PIBF1: variants seen among roughly 807,000 people sequenced by gnomAD.
The protein encoded by PIBF1 is progesterone-induced-blocking factor 1.
Under a neutral mutation model 112.5 loss-of-function variants are expected in PIBF1, and 90 were observed. That is an observed-to-expected ratio of 0.80 (90% CI 0.67 to 0.95). PIBF1 has a LOEUF of 0.95. PIBF1 is among the 40% of genes least tolerant of loss of function. PIBF1 has a pLI of 0.00. For synonymous variants in PIBF1, 301 were observed against 288.6 expected (o/e 1.04, Z -0.44); for missense variants, 915 against 852.3 (o/e 1.07, Z -0.92).
At chr13:72,875,089 T>C (rs2039339270) in intron 10 of PIBF1, among the ~76,000 whole-genome samples, 1 of 152,236 alleles carries the variant, frequency 6.6e-6, no homozygotes, top group Non-Finnish European at 1.5e-5. Flanking sequence ...TCATTCAGAA[T>C]AGTTTCATTA....
At chr13:72,894,771 T>TTG (rs1225760098) in intron 11 of PIBF1, among the ~76,000 whole-genome samples, 4 of 96,150 alleles carry the variant, frequency 4.2e-5, no homozygotes, top group African/African-American at 9.0e-5. Context: ...TATATATATA[T>TTG]AGTGTGTGTG....
At chr13:72,934,795 C>G (rs1261724013) in intron 14 of PIBF1, among the ~76,000 whole-genome samples, 1 of 152,060 alleles carries the variant, frequency 6.6e-6, no homozygotes, top group Non-Finnish European at 1.5e-5. Flanking sequence ...TGACATTTGG[C>G]ACATGAATAT....
At chr13:72,924,429 A>G (rs1162411660) in intron 13 of PIBF1, among the ~76,000 whole-genome samples, 1 of 152,172 alleles carries the variant, frequency 6.6e-6, no homozygotes, top group African/African-American at 2.4e-5. Flanking sequence ...AGATCAGTCC[A>G]GAGGTACTTA....
rs1176079981 is a variant in PIBF1 at position 73,010,810 on chromosome 13, C to CTTTTTTTTT, written c.2224-5037_2224-5029dup. Reference sequence around the variant, plus strand: ...CTGAGCTGGAAAATCATTAACTTTTCTTTTTTTTTTTTTTTTTTTTTTTTT... The same window carrying CTTTTTTTTT: ...CTGAGCTGGAAAATCATTAACTTTTCTTTTTTTTTTTTTTTTTTTTTTTTTTTTTTTTTT... On this transcript the variant is annotated intron_variant, in intron 17 of 17. Coordinates refer to ENST00000326291, the MANE Select transcript of PIBF1 (RefSeq NM_006346.4). Among the ~76,000 whole-genome samples the CTTTTTTTTT allele has an allele frequency of 3.9e-3, 159 of 40,294 alleles. 40 individuals carry two copies. Among genetic ancestry groups the CTTTTTTTTT allele is most frequent in the African/African-American group, 0.011 (119 of 10,454 alleles). The allele number at this position is 40,294 out of a possible 152,430, so 26.4% of individuals were successfully genotyped here.
chr13:72,981,621 A>C (rs2043160308), intron 16 of PIBF1, among the ~76,000 whole-genome samples: 1 of 152,216 alleles, frequency 6.6e-6, no homozygotes, highest in Non-Finnish European at 1.5e-5. Context: ...GAGAAAAATG[A>C]ATTTTGAAGT....
chr13:72,872,662 T>G (rs902284531), intron 10 of PIBF1, among the ~76,000 whole-genome samples: 5 of 152,268 alleles, frequency 3.3e-5, no homozygotes, highest in African/African-American at 1.2e-4. Flanking sequence ...ATGAGGAAAT[T>G]AAGGCTCCAG....
chr13:72,926,642 A>C (rs984832130), intron 13 of PIBF1, among the ~76,000 whole-genome samples: 5 of 152,164 alleles, frequency 3.3e-5, no homozygotes, highest in Non-Finnish European at 7.4e-5. Context: ...CTCTGCCTAT[A>C]TCTCTCTAGC....
intron 5 of PIBF1, among the ~76,000 whole-genome samples, chr13:72,802,060 A>T (rs2035509082): frequency 6.6e-6 from 1 of 152,224 alleles, no homozygotes; most frequent in Non-Finnish European, 1.5e-5. Flanking sequence ...TACATATAAC[A>T]TACAAAATAT....
At chr13:73,004,245 C>T (rs920044833) in intron 17 of PIBF1, among the ~76,000 whole-genome samples, 39 of 152,054 alleles carry the variant, frequency 2.6e-4, no homozygotes, top group Admixed American at 1.6e-3. Flanking sequence ...ACTCCCAACA[C>T]TTTGGGAGGC....
intron 9 of PIBF1, among the ~76,000 whole-genome samples, chr13:72,843,176 A>T (rs571120987): frequency 6.6e-5 from 10 of 152,238 alleles, no homozygotes; most frequent in East Asian, 1.9e-4. Flanking sequence ...TACGGTTGCA[A>T]TGCGGGGTGG....
chr13:72,806,973 A>G (rs1481350953), intron 5 of PIBF1, among the ~76,000 whole-genome samples: 1 of 150,990 alleles, frequency 6.6e-6, no homozygotes, highest in Admixed American at 6.6e-5. Flanking sequence ...AGTCAGGTTG[A>G]ACTAATTTAC....
chr13:72,989,263 C>CTGTTTCAAAATGTGTCAG (rs1444727391), intron 16 of PIBF1, among the ~76,000 whole-genome samples: 1 of 152,162 alleles, frequency 6.6e-6, no homozygotes, highest in African/African-American at 2.4e-5. Context: ...AAACTTTTCA[C>CTGTTTCAAAATGTGTCAG]TGTTTCAAAA....
chr13:72,808,020 AT>A (rs2035823478), intron 5 of PIBF1, among the ~76,000 whole-genome samples: 2 of 152,172 alleles, frequency 1.3e-5, no homozygotes, highest in Admixed American at 1.3e-4. Context: ...CTTCCTTTTC[AT>A]TACTGAGTGG....
At chr13:72,792,298 G>T in intron 2 of PIBF1, 149 bp from the exon 3 acceptor site, 1 of 564,082 alleles carries the variant, frequency 1.8e-6, no homozygotes, top group Non-Finnish European at 3.1e-6. Context: ...CTTCCAAAGT[G>T]CTGGAATTAT....
intron 17 of PIBF1, among the ~76,000 whole-genome samples, chr13:73,012,575 C>CAA (rs59833416): frequency 6.1e-5 from 9 of 147,628 alleles, no homozygotes; most frequent in African/African-American, 1.5e-4. Flanking sequence ...ACACACACAC[C>CAA]AAAAAAAACA....
chr13:72,999,227 T>G (rs911885494), intron 17 of PIBF1, among the ~76,000 whole-genome samples: 4 of 152,076 alleles, frequency 2.6e-5, no homozygotes, highest in Non-Finnish European at 5.9e-5. Context: ...TCAATTAACA[T>G]AAACTGAAAT....
chr13:72,831,201 T>C (rs1414955351), intron 8 of PIBF1, among the ~76,000 whole-genome samples: 3 of 151,858 alleles, frequency 2.0e-5, no homozygotes, highest in African/African-American at 4.8e-5. Flanking sequence ...TGTTGATCTT[T>C]ACAAAAAAAA....
chr13:72,927,897 G>T (rs1232779815), intron 13 of PIBF1, among the ~76,000 whole-genome samples: 2 of 145,886 alleles, frequency 1.4e-5, no homozygotes, highest in African/African-American at 5.1e-5. Context: ...GGCTAAATGG[G>T]TCTTTTAGGG....
chr13:72,904,213 A>G (rs1311189353), intron 11 of PIBF1, among the ~76,000 whole-genome samples: 2 of 151,916 alleles, frequency 1.3e-5, no homozygotes, highest in East Asian at 1.9e-4. Flanking sequence ...CAAAAATATG[A>G]AATTATAGGT....
Sources: gnomAD v4.1 joint callset for allele counts (sites outside exome capture counted in the v4.1 genomes callset) on GRCh38, gnomAD v4.1.1 for gene constraint, MANE v1.5 for transcripts, NCBI Gene and HGNC (gene_info 2026-07-23, HGNC 2026-07-21) for gene names.